Variants in THEMIS observed in about 807,000 individuals in gnomAD.
The protein encoded by THEMIS is protein THEMIS.
THEMIS carries 37 observed loss-of-function variants against 52.6 expected under a neutral mutation model. The ratio of observed to expected loss-of-function variants is 0.70; its 90% CI spans 0.54 to 0.93. The LOEUF (loss-of-function observed/expected upper bound fraction) is 0.93. Among genes scored for constraint, THEMIS ranks in the 40% least tolerant of loss-of-function variants. The pLI is 0.00. For missense variants in THEMIS, 808 were observed against 763.1 expected, an observed-to-expected ratio of 1.06 and a Z score of -0.69; for synonymous variants, 292 against 272.7, an observed-to-expected ratio of 1.07 and a Z score of -0.70.
intron 4 of THEMIS, among the ~76,000 whole-genome samples, chr6:127,771,377 T>C (rs1208726358): frequency 1.3e-5 from 2 of 152,112 alleles, no homozygotes; most frequent in Non-Finnish European, 2.9e-5. Context: ...CCCATTAAGC[T>C]ACCAATGATT....
chr6:127,835,484 A>G (rs1167124057), intron 2 of THEMIS, among the ~76,000 whole-genome samples: 1 of 152,218 alleles, frequency 6.6e-6, no homozygotes, highest in African/African-American at 2.4e-5. Flanking sequence ...TGGTGATTAA[A>G]TAAGCTAATA....
In THEMIS at chr6:127,877,435, G is replaced by GCTCA. The variant is rs530909372; in HGVS notation, c.92-22248_92-22247insTGAG. On this transcript the variant is annotated intron_variant, in intron 1 of 5. Coordinates refer to ENST00000368248, the MANE Select transcript of THEMIS (RefSeq NM_001010923.3). The stretch of plus-strand genomic sequence containing the variant: ...TCCACACTAAGCTTAATCATTTCTA[G>GCTCA]CTTTTGATTGAAAGTGAGAGAGTAT... Among the ~76,000 whole-genome samples, 450 of 152,170 alleles carry GCTCA rather than the reference G, an allele frequency of 3.0e-3. 3 individuals are homozygous for GCTCA. The highest frequency in any genetic ancestry group is 0.02 in the Middle Eastern group (6 of 294).
intron 4 of THEMIS, among the ~76,000 whole-genome samples, chr6:127,793,297 A>G (rs968299041): frequency 6.6e-6 from 1 of 152,220 alleles, no homozygotes; most frequent in Non-Finnish European, 1.5e-5. Context: ...CTTTAAGATC[A>G]AATGGATTAA....
At chr6:127,900,005 G>A (rs1004934285) in intron 1 of THEMIS, among the ~76,000 whole-genome samples, 5 of 150,176 alleles carry the variant, frequency 3.3e-5, no homozygotes, top group Admixed American at 1.3e-4. Context: ...TTTTGTCTAC[G>A]AACAAGAAAG....
chr6:127,809,532 A>G (rs1777829110), intron 4 of THEMIS, among the ~76,000 whole-genome samples: 1 of 152,152 alleles, frequency 6.6e-6, no homozygotes, highest in Admixed American at 6.5e-5. Flanking sequence ...TTTTAAAGTG[A>G]TTTCAGAGAA....
chr6:127,870,015 A>G (rs79221046), intron 1 of THEMIS, among the ~76,000 whole-genome samples: 210 of 152,312 alleles, frequency 1.4e-3, no homozygotes, highest in Middle Eastern at 6.8e-3. Context: ...AAGGCAGAGT[A>G]AAGAGCTGGG....
At chr6:127,900,809 T>C (rs1263991514) in intron 1 of THEMIS, 33 bp downstream of exon 1, 27 of 1,571,342 alleles carry the variant, frequency 1.7e-5, no homozygotes, top group Non-Finnish European at 2.4e-5. Flanking sequence ...TACAAGAATG[T>C]TCTAGCCAGT....
intron 1 of THEMIS, among the ~76,000 whole-genome samples, chr6:127,870,516 C>T (rs376110094): frequency 1.3e-4 from 19 of 151,922 alleles, no homozygotes; most frequent in Non-Finnish European, 1.5e-4. Flanking sequence ...TTACATTAAA[C>T]GTACCTGATT....
intron 4 of THEMIS, among the ~76,000 whole-genome samples, chr6:127,744,706 A>G (rs1379854887): frequency 6.6e-6 from 1 of 152,014 alleles, no homozygotes; most frequent in Admixed American, 6.6e-5. Flanking sequence ...TTCAATGAAT[A>G]TAAAGTTACA....
At chr6:127,766,374 T>A (rs1447673059) in intron 4 of THEMIS, among the ~76,000 whole-genome samples, 2 of 152,286 alleles carry the variant, frequency 1.3e-5, no homozygotes, top group East Asian at 3.9e-4. Context: ...CATTTGAAAA[T>A]CTTTGTTTTT....
At chr6:127,907,498 A>G (rs802709) in intron 1 of THEMIS, among the ~76,000 whole-genome samples, 113,094 of 151,352 alleles carry the variant, frequency 0.75, 42,941 homozygotes, top group East Asian at 0.97. Context: ...CCCAGGATAA[A>G]CTGTGATTGA....
intron 4 of THEMIS, chr6:127,807,247 G>A (rs1777745909): frequency 5.0e-6 from 1 of 199,622 alleles, no homozygotes; most frequent in Admixed American, 6.3e-5. Context: ...TGTAATCCCA[G>A]CTACGTGGGA....
intron 4 of THEMIS, among the ~76,000 whole-genome samples, chr6:127,736,409 G>A (rs532295714): frequency 5.9e-5 from 9 of 152,092 alleles, no homozygotes; most frequent in Non-Finnish European, 7.4e-5. Context: ...TGAAGGGAGT[G>A]AAATTTAGAT....
rs199914510 is a variant in THEMIS at position 127,813,094 on chromosome 6, A to G, written c.1547T>C (p.Val516Ala). 1 of 1,614,066 alleles carries G rather than the reference A, an allele frequency of 6.2e-7. No homozygotes were observed. The highest frequency in any genetic ancestry group is 1.3e-5 in the African/African-American group (1 of 75,012). Residue 516 changes from valine (V) to alanine (A), a missense_variant, in exon 4 of 6, where the codon GTT becomes GCT. Val to Ala is a moderately conservative substitution (Grantham distance 64). Transcript: ENST00000368248. ...VGRLNMTVQL[V>A]SNFSRDAEPF... ...TTCTGCATCCCTAGAGAAATTACTAACTAACTGAACAGTCATATTCAAGCG... is the reference window on the plus strand; with the variant it reads ...TTCTGCATCCCTAGAGAAATTACTAGCTAACTGAACAGTCATATTCAAGCG...
chr6:127,807,303 C>A (rs559011460), intron 4 of THEMIS: 3 of 226,136 alleles, frequency 1.3e-5, no homozygotes, highest in East Asian at 3.6e-4. Flanking sequence ...GAGGTTGCAG[C>A]GAGCCAAGAT....
At chr6:127,894,797 G>T (rs1404616345) in intron 1 of THEMIS, among the ~76,000 whole-genome samples, 1 of 151,368 alleles carries the variant, frequency 6.6e-6, no homozygotes, top group Non-Finnish European at 1.5e-5. Context: ...AATTATCTCA[G>T]AAAACAGAAA....
At chr6:127,788,267 C>T (rs1006112890) in intron 4 of THEMIS, among the ~76,000 whole-genome samples, 36 of 152,260 alleles carry the variant, frequency 2.4e-4, no homozygotes, top group African/African-American at 7.9e-4. Context: ...GTGGTCTTTC[C>T]TCAAAAAGAT....
At chr6:127,876,216 G>A (rs563576771) in intron 1 of THEMIS, among the ~76,000 whole-genome samples, 38 of 152,260 alleles carry the variant, frequency 2.5e-4, no homozygotes, top group African/African-American at 4.1e-4. Flanking sequence ...ATGCACAAGC[G>A]TCTAAATAAG....
intron 4 of THEMIS, among the ~76,000 whole-genome samples, chr6:127,812,362 C>A (rs889856071): frequency 6.6e-6 from 1 of 152,136 alleles, no homozygotes; most frequent in Non-Finnish European, 1.5e-5. Context: ...AGAATGTGGG[C>A]AGATGCTCAC....
Sources: allele counts gnomAD v4.1 joint callset (sites outside exome capture counted in the v4.1 genomes callset), GRCh38; gene constraint gnomAD v4.1.1; transcripts MANE v1.5; gene names NCBI Gene and HGNC (gene_info 2026-07-23, HGNC 2026-07-21).